The following EXOC2 variants were observed in gnomAD, a reference collection of about 807,000 sequenced individuals.
EXOC2 encodes the protein exocyst complex component 2.
Under a neutral mutation model 131.8 loss-of-function variants are expected in EXOC2, and 70 were observed. That is an observed-to-expected ratio of 0.53 (90% CI 0.44 to 0.65). The LOEUF (loss-of-function observed/expected upper bound fraction) is 0.65, where lower values mean the gene tolerates loss of function less well. EXOC2 is among the 30% of genes least tolerant of loss of function. EXOC2 has a pLI of 0.00. For missense variants in EXOC2, 923 were observed against 1,108.6 expected, an observed-to-expected ratio of 0.83 and a Z score of 2.38; for synonymous variants, 411 against 398.4, an observed-to-expected ratio of 1.03 and a Z score of -0.38.
At chr6:549,986 A>C (rs1261357923) in intron 21 of EXOC2, among the ~76,000 whole-genome samples, 2 of 152,226 alleles carry the variant, frequency 1.3e-5, no homozygotes, top group African/African-American at 2.4e-5. Flanking sequence ...TTCTTACGAA[A>C]ACTACCAGAC....
At chr6:688,488 G>A (rs1415796777) in intron 1 of EXOC2, among the ~76,000 whole-genome samples, 2 of 152,224 alleles carry the variant, frequency 1.3e-5, no homozygotes, top group African/African-American at 4.8e-5. Context: ...GAAGATCACA[G>A]AAGCGCCTGA....
chr6:501,224 T>TATATATATTATATATATATTATATATATC (rs1764099631), intron 23 of EXOC2, among the ~76,000 whole-genome samples: 1 of 14,802 alleles, frequency 6.8e-5, no homozygotes, highest in Non-Finnish European at 1.5e-4. Flanking sequence ...TATATATATC[T>TATATATATTATATATATATTATATATATC]ATATATATTA....
intron 13 of EXOC2, among the ~76,000 whole-genome samples, chr6:567,054 A>G (rs1274802411): frequency 1.6e-4 from 25 of 151,990 alleles, no homozygotes. Context: ...CCAAACCACC[A>G]CTGTTTCCTG....
intron 6 of EXOC2, among the ~76,000 whole-genome samples, chr6:616,280 C>G (rs1382107936): frequency 6.6e-6 from 1 of 152,170 alleles, no homozygotes; most frequent in Non-Finnish European, 1.5e-5. Context: ...TCTCTGTTCC[C>G]TCTTAGACAT....
intron 23 of EXOC2, chr6:525,582 G>T (rs1362315130): frequency 6.6e-6 from 1 of 152,114 alleles, no homozygotes; most frequent in African/African-American, 2.4e-5. Context: ...GCATGTGCCT[G>T]TTCTTTGTGG....
At chr6:587,207 T>C (rs1461793444) in intron 11 of EXOC2, among the ~76,000 whole-genome samples, 4 of 151,940 alleles carry the variant, frequency 2.6e-5, no homozygotes, top group Non-Finnish European at 4.4e-5. Context: ...TACACAAACA[T>C]AGATATGACA....
chr6:599,169 C>A lies in EXOC2; in HGVS notation c.799G>T (p.Ala267Ser). ...FQEVLGRKDK[A>S]DSTRNALNVL... is the part of the protein sequence containing the mutation. ...TTGAGTGCATTTCTAGTGGAATCTG[C>A]CTTGTCTTTCCGACCTAATACTTCT... Residue 267 changes from alanine to serine, a missense_variant, in exon 8 of 28, where the codon GCA becomes TCA. By Grantham distance (99) the Ala-to-Ser change is moderately conservative (BLOSUM62 1). Coordinates refer to ENST00000230449, the MANE Select transcript of EXOC2 (RefSeq NM_018303.6). 6.2e-7 allele frequency: 1 copy of A among 1,612,866 alleles called. No individual in the cohort carries two copies. The highest frequency in any genetic ancestry group is 8.5e-7 in the Non-Finnish European group (1 of 1,179,254).
chr6:673,569 G>A (rs1259192932), intron 1 of EXOC2, among the ~76,000 whole-genome samples: 1 of 152,144 alleles, frequency 6.6e-6, no homozygotes, highest in Non-Finnish European at 1.5e-5. Flanking sequence ...TACAGATTTT[G>A]AGATCTATGT....
chr6:532,853 T>C (rs985219373), intron 22 of EXOC2, among the ~76,000 whole-genome samples: 1 of 152,350 alleles, frequency 6.6e-6, no homozygotes, highest in East Asian at 1.9e-4. Context: ...CATACTGCTA[T>C]AAAGAACTGC....
intron 6 of EXOC2, among the ~76,000 whole-genome samples, chr6:611,408 A>G (rs1760707659): frequency 6.6e-6 from 1 of 152,234 alleles, no homozygotes; most frequent in Non-Finnish European, 1.5e-5. Context: ...GCCCTGCTCC[A>G]CAGGTTGCTT....
At chr6:661,413 T>C (rs1763418849) in intron 1 of EXOC2, among the ~76,000 whole-genome samples, 1 of 152,196 alleles carries the variant, frequency 6.6e-6, no homozygotes, top group African/African-American at 2.4e-5. Flanking sequence ...AGGTAGTCTA[T>C]AAAGGAAAAC....
chr6:657,074 G>A, intron 1 of EXOC2: 2 of 768,580 alleles, frequency 2.6e-6, no homozygotes, highest in Non-Finnish European at 3.9e-6. Flanking sequence ...GCAGGCACTC[G>A]GGTTCCCGGT....
chr6:513,775 A>G (rs1764983918), intron 23 of EXOC2, among the ~76,000 whole-genome samples: 1 of 152,228 alleles, frequency 6.6e-6, no homozygotes, highest in African/African-American at 2.4e-5. Context: ...GAGAAAACTG[A>G]AGTAAATTGA....
rs758198333 is a variant in EXOC2, at chr6:491,149, G to A, written c.2597C>T (p.Ala866Val). 3 of 1,614,118 alleles carry A rather than the reference G, an allele frequency of 1.9e-6. No homozygotes were observed. The highest frequency in any genetic ancestry group is 2.5e-6 in the Non-Finnish European group (3 of 1,180,016). The change falls in exon 26 of 28, where the codon GCT (alanine) becomes GTT (valine). Residue 866 changes from alanine to valine, a missense_variant. Coordinates refer to ENST00000230449, the MANE Select transcript of EXOC2 (RefSeq NM_018303.6). The stretch of plus-strand genomic sequence containing the variant: ...CTTGCTTTCGGGTGTCAGGTAAACA[G>A]CCACAGTGTCCCTCAAAGCACAGAT... Reference protein sequence around the residue: ...LEICALRDTVAVYLTPESKSS... With the variant: ...LEICALRDTVVVYLTPESKSS...
intron 14 of EXOC2, 62 bp downstream of exon 14, chr6:564,801 CA>C: frequency 1.9e-6 from 3 of 1,584,150 alleles, no homozygotes; most frequent in Non-Finnish European, 1.7e-6. Flanking sequence ...GTCTTGAATA[CA>C]AAGTGAGAAA....
chr6:679,763 G>A (rs1764315715), intron 1 of EXOC2, among the ~76,000 whole-genome samples: 2 of 152,180 alleles, frequency 1.3e-5, no homozygotes, highest in African/African-American at 4.8e-5. Flanking sequence ...GAAACATTAT[G>A]AAAAACATGC....
intron 23 of EXOC2, 64 bp from the exon 24 acceptor site, chr6:499,764 G>A: frequency 7.4e-7 from 1 of 1,346,412 alleles, no homozygotes; most frequent in Non-Finnish European, 1.1e-6. Context: ...CTCCCCTGCT[G>A]GCAGGCTGTA....
Position 553,842 on chromosome 6 carries a change from C to T in EXOC2, c.2121+12G>A, listed in dbSNP as rs199603199. The T allele has an allele frequency of 8.1e-6, 13 of 1,608,426 alleles. No individual in the cohort carries two copies. In the African/African-American group the frequency reaches 1.1e-4, roughly 13 times the overall value. ...TTAAAATGGTTTACTTTCTAGTTAT[C>T]GTCTGACTTACTGAGGTCAAGCTGA... On this transcript the variant is annotated intron_variant, in intron 21 of 27. Coordinates refer to ENST00000230449, the MANE Select transcript of EXOC2 (RefSeq NM_018303.6).
chr6:555,703 T>C (rs1040609841), intron 19 of EXOC2, among the ~76,000 whole-genome samples: 9 of 152,106 alleles, frequency 5.9e-5, no homozygotes, highest in Non-Finnish European at 1.0e-4. Flanking sequence ...ACAGAATACA[T>C]AGAAAGTACC....
Sources: gnomAD v4.1 joint callset for allele counts (sites outside exome capture counted in the v4.1 genomes callset) on GRCh38, gnomAD v4.1.1 for gene constraint, MANE v1.5 for transcripts, NCBI Gene and HGNC (gene_info 2026-07-23, HGNC 2026-07-21) for gene names.